Variants in FKBP15 observed in about 807,000 individuals in gnomAD.
FKBP15 encodes the protein FK506-binding protein 15.
Under a neutral mutation model 158.1 loss-of-function variants are expected in FKBP15, and 106 were observed. That is an observed-to-expected ratio of 0.67 (90% confidence interval 0.57 to 0.79). FKBP15 has a LOEUF of 0.79. Among genes scored for constraint, FKBP15 ranks in the 30% least tolerant of loss-of-function variants. FKBP15 has a pLI of 0.00. For missense variants in FKBP15, 1,287 were observed against 1,479.1 expected, an observed-to-expected ratio of 0.87 and a Z score of 2.13; for synonymous variants, 547 against 548.6, an observed-to-expected ratio of 1.00 and a Z score of 0.04.
Position 113,169,417 on chromosome 9 carries a change from G to C in FKBP15, c.3292C>G (p.Leu1098Val), listed in dbSNP as rs1459796561. ...PLQESSTRLSLTSDPEEGDPL... is the reference protein window; with the variant it reads ...PLQESSTRLSVTSDPEEGDPL... ...TCCCCCTCCTCGGGGTCTGAAGTCA[G>C]GGACAGTCTTGTGGAGCTTTCTTGT... Residue 1098 changes from leucine (L) to valine (V), a missense_variant, in exon 26 of 28, where the codon CTG (leucine) becomes GTG (valine). Coordinates refer to ENST00000238256, the MANE Select transcript of FKBP15 (RefSeq NM_015258.2). 1 of 1,613,924 alleles carries C rather than the reference G, an allele frequency of 6.2e-7. No individual in the cohort carries two copies. The highest frequency in any genetic ancestry group is 8.5e-7 in the Non-Finnish European group (1 of 1,179,908).
Position 113,176,634 on chromosome 9 carries a change from T to C in FKBP15, c.2126A>G (p.Lys709Arg), listed in dbSNP as rs142775124. Residue 709 changes from lysine (K) to arginine (R), a missense_variant, in exon 21 of 28, where the codon AAA becomes AGA. Lys to Arg is a conservative substitution (Grantham distance 26, BLOSUM62 2). Coordinates refer to ENST00000238256, the MANE Select transcript of FKBP15 (RefSeq NM_015258.2). ...TTGTTTCCGGTTCTGCTTTTCACTT[T>C]TGAATTTGGACTGTGCTTGCTCAGA... is the stretch of plus-strand genomic sequence containing the variant. ...ETSEQAQSKF[K>R]SEKQNRKQLE... The C allele has an allele frequency of 5.1e-5, 82 of 1,606,894 alleles. No homozygotes were observed. In the Middle Eastern group the frequency reaches 1.5e-3, roughly 29 times the overall value.
intron 5 of FKBP15, 96 bp from the exon 6 acceptor site, chr9:113,202,725 G>T: frequency 1.1e-6 from 1 of 928,510 alleles, no homozygotes; most frequent in Non-Finnish European, 1.7e-6. Flanking sequence ...TGACTCAGGT[G>T]GACCCAAAGG....
At chr9:113,218,871 T>A (rs907524605) in intron 1 of FKBP15, among the ~76,000 whole-genome samples, 6 of 152,202 alleles carry the variant, frequency 3.9e-5, no homozygotes, top group African/African-American at 1.4e-4. Context: ...ATCGGTTAAT[T>A]TATCTTTCTA....
At chr9:113,182,936 G>A in intron 18 of FKBP15, 68 bp from the exon 19 acceptor site, 1 of 1,255,910 alleles carries the variant, frequency 8.0e-7, no homozygotes, top group Non-Finnish European at 1.2e-6. Context: ...ACAACCCAAT[G>A]CCCATTCTGT....
intron 1 of FKBP15, among the ~76,000 whole-genome samples, chr9:113,220,788 T>C (rs1831234696): frequency 6.6e-6 from 1 of 152,226 alleles, no homozygotes; most frequent in Admixed American, 6.5e-5. Context: ...CCTTGAAGAA[T>C]GCTAGAGCTG....
Position 113,173,554 on chromosome 9 carries a change from G to A in FKBP15, c.2431C>T (p.His811Tyr), listed in dbSNP as rs759361494. The A allele has an allele frequency of 1.9e-6, 3 of 1,613,932 alleles. No individual in the cohort carries two copies. Among genetic ancestry groups the A allele is most frequent in the South Asian group, 1.1e-5 (1 of 91,076 alleles). The change falls in exon 23 of 28, where the codon CAT (histidine) becomes TAT (tyrosine). Residue 811 changes from histidine to tyrosine, a missense_variant. Transcript: ENST00000238256. The stretch of plus-strand genomic sequence containing the variant: ...TCATCCTTGGCGGAGGCCAACAAAT[G>A]TTCACATTTTGCTTCCCACTGGGTC... ...LQTQWEAKCE[H>Y]LLASAKDEHL...
chr9:113,192,764 G>A (rs1269764832), intron 11 of FKBP15, among the ~76,000 whole-genome samples: 1 of 152,124 alleles, frequency 6.6e-6, no homozygotes, highest in Non-Finnish European at 1.5e-5. Context: ...AAATCTCTTT[G>A]AGATAGGCAA....
rs766063252 is a variant in FKBP15, at chr9:113,169,628, G to A, written c.3081C>T (p.Pro1027=). 4.4e-5 allele frequency: 71 copies of A among 1,613,878 alleles called. 1 individual carries two copies. The highest frequency in any genetic ancestry group is 3.8e-4 in the South Asian group (35 of 91,090). ...TGTGGGATGGGATGCAAGACAGTTC[G>A]GGTGGAAGGGAACCATCTTTTATCT... The part of the protein sequence containing the change: ...LSEIKDGSLP[P]ELSCIPSHRV... The change falls in exon 26 of 28, where the codon CCC becomes CCT. Residue 1027 remains proline, a synonymous_variant. Transcript: ENST00000238256.
At chr9:113,218,258 G>T (rs1337487697) in intron 1 of FKBP15, among the ~76,000 whole-genome samples, 3 of 151,786 alleles carry the variant, frequency 2.0e-5, no homozygotes, top group Non-Finnish European at 4.4e-5. Flanking sequence ...CCTGATTTCA[G>T]ATCCAGGCTC....
Position 113,210,696 on chromosome 9 carries a change from G to A in FKBP15, c.169+781C>T, listed in dbSNP as rs113716326. Among the ~76,000 whole-genome samples the A allele has an allele frequency of 3.2e-3, 483 of 152,292 alleles. 1 individual carries two copies. Among genetic ancestry groups the A allele is most frequent in the African/African-American group, 0.011 (466 of 41,564 alleles). On this transcript the variant is annotated intron_variant, in intron 2 of 27. Coordinates refer to ENST00000238256, the MANE Select transcript of FKBP15 (RefSeq NM_015258.2). Reference sequence around the variant, plus strand: ...GTTGCCAAAGGAGATTAACATCTGAGTCAGTGGACTGGGAAAGGCAAACCC... The same window carrying A: ...GTTGCCAAAGGAGATTAACATCTGAATCAGTGGACTGGGAAAGGCAAACCC...
chr9:113,202,624 C>A lies in FKBP15; in HGVS notation c.405G>T (p.Arg135=). 6.4e-7 allele frequency: 1 copy of A among 1,564,138 alleles called. No homozygotes were observed. The highest frequency in any genetic ancestry group is 8.7e-7 in the Non-Finnish European group (1 of 1,152,194). ...RIHVNFELMV[R]PNNYSTFYDD... Reference sequence around the variant, plus strand: ...CATAAAAGGTGCTATAGTTATTGGGCCGAACCTGGAGAAAGGAGAAATGTT... The same window carrying A: ...CATAAAAGGTGCTATAGTTATTGGGACGAACCTGGAGAAAGGAGAAATGTT... The change falls in exon 6 of 28, where the codon CGG becomes CGT. Residue 135 remains arginine (R), a synonymous_variant. Coordinates refer to ENST00000238256, the MANE Select transcript of FKBP15 (RefSeq NM_015258.2).
intron 9 of FKBP15, among the ~76,000 whole-genome samples, chr9:113,196,674 C>G (rs957598736): frequency 6.6e-6 from 1 of 152,070 alleles, no homozygotes; most frequent in South Asian, 2.1e-4. Context: ...TGAGCCACTG[C>G]GCCCGGCCGA....
chr9:113,185,331 G>A (rs1161749832), intron 15 of FKBP15, among the ~76,000 whole-genome samples: 7 of 152,244 alleles, frequency 4.6e-5, no homozygotes, highest in Non-Finnish European at 1.0e-4. Flanking sequence ...GTACACAGTT[G>A]TGTTTGTGGG....
At chr9:113,167,534 C>A (rs986955688) in intron 27 of FKBP15, among the ~76,000 whole-genome samples, 1 of 152,050 alleles carries the variant, frequency 6.6e-6, no homozygotes, top group South Asian at 2.1e-4. Flanking sequence ...CCCAAAGGAA[C>A]ACAGGCAAGA....
chr9:113,210,484 C>T (rs1023198672), intron 2 of FKBP15, among the ~76,000 whole-genome samples: 6 of 152,302 alleles, frequency 3.9e-5, no homozygotes, highest in Admixed American at 1.3e-4. Context: ...AGGCAAGCGC[C>T]ACCATGCCCA....
chr9:113,170,460 G>A lies in FKBP15; in HGVS notation c.2766+62C>T, dbSNP rs529155693. 1.5e-4 allele frequency: 173 copies of A among 1,140,950 alleles called. 1 individual carries two copies. The highest frequency in any genetic ancestry group is 1.2e-3 in the South Asian group (94 of 81,116). The allele number at this position is 1,140,950 out of a possible 1,614,324, so 70.7% of individuals were successfully genotyped here. On this transcript the variant is annotated intron_variant, in intron 25 of 27. Coordinates refer to ENST00000238256, the MANE Select transcript of FKBP15 (RefSeq NM_015258.2). ...ACAATTTTTTATTCATGATCCCTTAGAAGGTACTTAAGCAACAAAATGCCC... is the reference window on the plus strand; with the variant it reads ...ACAATTTTTTATTCATGATCCCTTAAAAGGTACTTAAGCAACAAAATGCCC...
intron 14 of FKBP15, chr9:113,187,011 T>C (rs556141738): frequency 1.2e-4 from 18 of 152,236 alleles, no homozygotes; most frequent in Non-Finnish European, 2.5e-4. Flanking sequence ...AATTCTTCCT[T>C]GAAATAAGGA....
chr9:113,170,563 T>G lies in FKBP15; in HGVS notation c.2725A>C (p.Asn909His). The G allele has an allele frequency of 6.2e-7, 1 of 1,613,950 alleles. No individual in the cohort carries two copies. Among genetic ancestry groups the G allele is most frequent in the Non-Finnish European group, 8.5e-7 (1 of 1,179,802 alleles). The change falls in exon 25 of 28, where the codon AAT (asparagine) becomes CAT (histidine). Residue 909 changes from asparagine to histidine, a missense_variant. Asn to His is a moderately conservative substitution (Grantham distance 68). Coordinates refer to ENST00000238256, the MANE Select transcript of FKBP15 (RefSeq NM_015258.2). The part of the protein sequence containing the change: ...RREFELEESY[N>H]GRTILGTIMN... ...ATGGTTCCCAGAATGGTCCTGCCAT[T>G]GTAAGATTCCTCCAGCTCAAACTCT...
Position 113,197,014 on chromosome 9 carries a change from G to A in FKBP15, c.782C>T (p.Ala261Val). 6.2e-7 allele frequency: 1 copy of A among 1,613,958 alleles called. No individual in the cohort carries two copies. Among genetic ancestry groups the A allele is most frequent in the Non-Finnish European group, 8.5e-7 (1 of 1,179,876 alleles). The change falls in exon 9 of 28, where the codon GCC (alanine) becomes GTC (valine). Residue 261 changes from alanine to valine, a missense_variant. Coordinates refer to ENST00000238256, the MANE Select transcript of FKBP15 (RefSeq NM_015258.2). ...TACCCCTTCTGAGCCAACAGCACAGGCTGGAGGGACAATAAGCAATCGCTT... is the reference window on the plus strand; with the variant it reads ...TACCCCTTCTGAGCCAACAGCACAGACTGGAGGGACAATAAGCAATCGCTT... ...GGKRLLIVPP[A>V]CAVGSEGVIG...
Sources: gnomAD v4.1 joint callset for allele counts (sites outside exome capture counted in the v4.1 genomes callset) on GRCh38, gnomAD v4.1.1 for gene constraint, MANE v1.5 for transcripts, NCBI Gene and HGNC (gene_info 2026-07-23, HGNC 2026-07-21) for gene names.